SYNJ2: variants seen among roughly 807,000 people sequenced by gnomAD.
SYNJ2 encodes synaptojanin 2.
In SYNJ2, 116 loss-of-function variants were observed where a neutral mutation model predicts 141.3. That is an observed-to-expected ratio of 0.82 (90% CI 0.71 to 0.96). The LOEUF (loss-of-function observed/expected upper bound fraction) is 0.96. Ranked by LOEUF, SYNJ2 falls within the 40% of genes least tolerant of loss-of-function variation. SYNJ2 has a pLI of 0.00. For missense variants in SYNJ2, 1,873 were observed against 1,934.8 expected, an observed-to-expected ratio of 0.97 and a Z score of 0.60; for synonymous variants, 745 against 777.7, an observed-to-expected ratio of 0.96 and a Z score of 0.70.
chr6:158,092,114 A>G (rs529337777), intron 25 of SYNJ2, among the ~76,000 whole-genome samples: 1 of 151,970 alleles, frequency 6.6e-6, no homozygotes, highest in South Asian at 2.1e-4. Flanking sequence ...AAGCTGTTAA[A>G]AAAAAAAAAA....
chr6:158,085,707 CAG>C (rs1286710163), intron 22 of SYNJ2, among the ~76,000 whole-genome samples: 2 of 152,208 alleles, frequency 1.3e-5, no homozygotes, highest in African/African-American at 4.8e-5. Context: ...TGAGCCCTAC[CAG>C]AGAGATCTGG....
At chr6:158,003,410 C>A (rs536083472) in intron 1 of SYNJ2, among the ~76,000 whole-genome samples, 2 of 152,316 alleles carry the variant, frequency 1.3e-5, no homozygotes, top group South Asian at 4.1e-4. Flanking sequence ...TGAAGAGCTG[C>A]TTCAGCTCCA....
chr6:158,066,469 G>C lies in SYNJ2; in HGVS notation c.1551G>C (p.Met517Ile). The C allele has an allele frequency of 6.2e-7, 1 of 1,614,146 alleles. No homozygotes were observed. The highest frequency in any genetic ancestry group is 2.2e-5 in the East Asian group (1 of 44,880). Residue 517 changes from methionine to isoleucine, a missense_variant, in exon 12 of 27, where the codon ATG (methionine) becomes ATC (isoleucine). Met to Ile is a conservative substitution (Grantham distance 10, BLOSUM62 1). Coordinates refer to ENST00000355585, the MANE Select transcript of SYNJ2 (RefSeq NM_003898.4). ...LLVTPRILKA[M>I]TERQSEFTNF... ...TGACTCCCAGGATCCTGAAAGCTATGACTGAGCGTCAGTCCGAATTCACAA... is the reference window on the plus strand; with the variant it reads ...TGACTCCCAGGATCCTGAAAGCTATCACTGAGCGTCAGTCCGAATTCACAA...
At chr6:158,002,133 G>A (rs1777886513) in intron 1 of SYNJ2, 1 of 152,404 alleles carries the variant, frequency 6.6e-6, no homozygotes, top group African/African-American at 2.4e-5. Context: ...CTTACGCTCT[G>A]TTCTCATCAT....
At chr6:158,094,335 C>T (rs1017002760) in intron 26 of SYNJ2, among the ~76,000 whole-genome samples, 2 of 136,712 alleles carry the variant, frequency 1.5e-5, no homozygotes, top group South Asian at 2.3e-4. Flanking sequence ...ACCTAGCAAA[C>T]GTCATGGTCT....
intron 18 of SYNJ2, chr6:158,078,810 A>ATTTT (rs1562392298): frequency 9.9e-5 from 8 of 81,126 alleles, no homozygotes; most frequent in African/African-American, 1.0e-4. Context: ...TTTTTTTTTG[A>ATTTT]GAGAGAGTCT....
At chr6:158,033,323 G>A in intron 3 of SYNJ2, 132 bp from the exon 4 acceptor site, 1 of 890,900 alleles carries the variant, frequency 1.1e-6, no homozygotes, top group Non-Finnish European at 1.7e-6. Context: ...GTCCACTGGG[G>A]AGCAGCATGC....
intron 1 of SYNJ2, among the ~76,000 whole-genome samples, chr6:157,990,584 G>A (rs1777384335): frequency 1.3e-5 from 2 of 152,152 alleles, no homozygotes; most frequent in South Asian, 2.1e-4. Context: ...GTTGCGGGAG[G>A]GGGCAGGTTG....
At chr6:158,083,367 T>C (rs564553314) in intron 20 of SYNJ2, 62 bp from the exon 21 acceptor site, 84 of 1,573,456 alleles carry the variant, frequency 5.3e-5, no homozygotes, top group South Asian at 5.3e-4. Flanking sequence ...AGAAGCATTG[T>C]GTGATCAACA....
intron 1 of SYNJ2, among the ~76,000 whole-genome samples, chr6:157,987,411 T>A (rs941258732): frequency 2.0e-5 from 3 of 152,134 alleles, no homozygotes; most frequent in African/African-American, 4.8e-5. Context: ...TATTTATTTA[T>A]CTTTTTTGAG....
chr6:158,035,523 A>C (rs2128339741), intron 4 of SYNJ2, among the ~76,000 whole-genome samples: 1 of 152,276 alleles, frequency 6.6e-6, no homozygotes. Context: ...ACTTTGCCGA[A>C]GCTGTTTATC....
intron 2 of SYNJ2, among the ~76,000 whole-genome samples, chr6:158,021,526 C>A (rs1168093894): frequency 1.3e-5 from 2 of 152,168 alleles, no homozygotes; most frequent in Non-Finnish European, 2.9e-5. Context: ...TCTGCTGTCT[C>A]TCCTCTGTCC....
Position 158,084,305 on chromosome 6 carries a change from C to T in SYNJ2, c.3208+131C>T. On this transcript the variant is annotated intron_variant, in intron 22 of 26. Transcript: ENST00000355585. This position sits in a 1 kb window ranked among gnomAD's most constrained non-coding sequence, Gnocchi z 5.0. ...GGTCCCAGGAGAGACCTCAACCAGG[C>T]AGGCCAAGCGAGGGGTAGGGACTGA... The T allele has an allele frequency of 9.4e-7, 1 of 1,058,836 alleles. No homozygotes were observed. The highest frequency in any genetic ancestry group is 1.6e-5 in the South Asian group (1 of 62,338). The allele number at this position is 1,058,836 out of a possible 1,614,324, so 65.6% of individuals were successfully genotyped here. A position where few individuals can be genotyped will look rare whatever the true frequency, so the allele number is the denominator to read the frequency against.
At chr6:158,024,542 C>A (rs778292348) in intron 2 of SYNJ2, among the ~76,000 whole-genome samples, 1 of 152,206 alleles carries the variant, frequency 6.6e-6, no homozygotes, top group Non-Finnish European at 1.5e-5. Flanking sequence ...GTTGACCACA[C>A]TCTTAAAGAG....
chr6:158,056,723 C>T lies in SYNJ2; in HGVS notation c.857+1695C>T, dbSNP rs186040923. Among the ~76,000 whole-genome samples the T allele has an allele frequency of 2.9e-3, 448 of 152,300 alleles. 1 individual carries two copies. The highest frequency in any genetic ancestry group is 4.7e-3 in the Non-Finnish European group (321 of 68,024). Reference sequence around the variant, plus strand: ...AATTCTCTTCTCTGGGACATCACTGCGCTCTCAAGAGTCGTGCGGTTCTCT... The same window carrying T: ...AATTCTCTTCTCTGGGACATCACTGTGCTCTCAAGAGTCGTGCGGTTCTCT... On this transcript the variant is annotated intron_variant, in intron 6 of 26. Coordinates refer to ENST00000355585, the MANE Select transcript of SYNJ2 (RefSeq NM_003898.4).
intron 6 of SYNJ2, among the ~76,000 whole-genome samples, chr6:158,057,916 C>T (rs76374470): frequency 0.01 from 1,594 of 152,318 alleles, 22 homozygotes; most frequent in African/African-American, 0.037. Flanking sequence ...CACGTGGAGA[C>T]GGGAGCCCGG....
At chr6:158,022,405 C>T (rs1292412504) in intron 2 of SYNJ2, among the ~76,000 whole-genome samples, 1 of 152,222 alleles carries the variant, frequency 6.6e-6, no homozygotes, top group East Asian at 1.9e-4. Flanking sequence ...CGTATCATGA[C>T]TCCAACAGCC....
intron 16 of SYNJ2, among the ~76,000 whole-genome samples, 195 bp downstream of exon 16, chr6:158,074,933 T>C (rs373474363): frequency 0.6 from 75,925 of 126,438 alleles, 19,774 homozygotes; most frequent in East Asian, 0.71. Flanking sequence ...CTTTTTTTTT[T>C]TTTTTTTTTT....
intron 4 of SYNJ2, among the ~76,000 whole-genome samples, chr6:158,034,152 G>A (rs535927615): frequency 3.9e-5 from 6 of 152,188 alleles, no homozygotes; most frequent in Non-Finnish European, 7.3e-5. Context: ...TGAAATCTGC[G>A]TGTTAAGCAG....
Sources: allele counts gnomAD v4.1 joint callset (sites outside exome capture counted in the v4.1 genomes callset), GRCh38; gene constraint gnomAD v4.1.1; non-coding constraint Gnocchi (gnomAD v3.1); transcripts MANE v1.5; gene names NCBI Gene and HGNC (gene_info 2026-07-23, HGNC 2026-07-21).